FANCA: variants seen among roughly 807,000 people sequenced by gnomAD.
The protein encoded by FANCA is Fanconi anemia group A protein.
A neutral mutation model predicts 194.3 loss-of-function variants in FANCA; 236 were observed. That is an observed-to-expected ratio of 1.21 (90% CI 1.09 to 1.35). The LOEUF (loss-of-function observed/expected upper bound fraction) is 1.35, where lower values mean the gene tolerates loss of function less well. Ranked by LOEUF, FANCA falls within the 40% of genes most tolerant of loss-of-function variation. The pLI is 0.00. For missense variants in FANCA, 2,628 were observed against 1,813.9 expected, an observed-to-expected ratio of 1.45 and a Z score of -8.15; for synonymous variants, 1,014 against 715.8, an observed-to-expected ratio of 1.42 and a Z score of -6.65.
chr16:89,768,376 T>C (rs1345298200), intron 26 of FANCA, among the ~76,000 whole-genome samples: 4 of 152,168 alleles, frequency 2.6e-5, no homozygotes, highest in Admixed American at 6.6e-5. Flanking sequence ...GTTTTACTAA[T>C]ACATATTTGA....
chr16:89,791,413 T>C lies in FANCA; in HGVS notation c.1349A>G (p.Asp450Gly), dbSNP rs1213289620. Residue 450 changes from aspartate to glycine, a missense_variant, in exon 14 of 43, where the codon GAC (aspartate) becomes GGC (glycine). Coordinates refer to ENST00000389301, the MANE Select transcript of FANCA (RefSeq NM_000135.4). ...EGPSAFLSYA[D>G]WFKASFGSTR... Reference sequence around the variant, plus strand: ...TGGCAGGTCACTTACCTTGAACCAGTCTGCATATGACAGGAACGCAGAGGG... The same window carrying C: ...TGGCAGGTCACTTACCTTGAACCAGCCTGCATATGACAGGAACGCAGAGGG... 2 of 1,614,042 alleles carry C rather than the reference T, an allele frequency of 1.2e-6. No individual in the cohort carries two copies. The highest frequency in any genetic ancestry group is 1.7e-6 in the Non-Finnish European group (2 of 1,179,964).
intron 29 of FANCA, among the ~76,000 whole-genome samples, chr16:89,759,529 G>A (rs2038878623): frequency 6.6e-6 from 1 of 151,844 alleles, no homozygotes; most frequent in South Asian, 2.1e-4. Context: ...GGGAGGCCAA[G>A]GTGGGAGGAT....
intron 15 of FANCA, 29 bp from the exon 16 acceptor site, chr16:89,783,131 G>C (rs201305326): frequency 1.3e-6 from 2 of 1,551,796 alleles, no homozygotes; most frequent in Admixed American, 1.7e-5. Flanking sequence ...GCGCAGCACC[G>C]TTAGTCTGGG....
intron 28 of FANCA, among the ~76,000 whole-genome samples, chr16:89,763,933 A>C (rs186709067): frequency 6.7e-6 from 1 of 148,360 alleles, no homozygotes; most frequent in South Asian, 2.1e-4. Flanking sequence ...AAAAAAAACA[A>C]AACAACAACA....
chr16:89,748,658 C>G lies in FANCA; in HGVS notation c.3348+1G>C. Reference sequence around the variant, plus strand: ...CGGACACGTGCACACGGGGCACCTACCATCTCAGAGTTGACCAAGTGGAAG... The same window carrying G: ...CGGACACGTGCACACGGGGCACCTAGCATCTCAGAGTTGACCAAGTGGAAG... On this transcript the variant is annotated splice_donor_variant, in intron 33 of 42. Transcript: ENST00000389301. LOFTEE classifies it high-confidence loss of function. 1 of 1,612,430 alleles carries G rather than the reference C, an allele frequency of 6.2e-7. No homozygotes were observed. The highest frequency in any genetic ancestry group is 8.5e-7 in the Non-Finnish European group (1 of 1,178,526).
chr16:89,744,936 C>A (rs2062209198), intron 36 of FANCA, 23 bp downstream of exon 36: 1 of 1,604,896 alleles, frequency 6.2e-7, no homozygotes, highest in East Asian at 2.2e-5. Context: ...GCGGGCACAC[C>A]CCATCTCACC....
intron 38 of FANCA, chr16:89,740,416 G>A (rs2062100417): frequency 4.3e-6 from 2 of 468,340 alleles, no homozygotes; most frequent in Admixed American, 3.5e-5. Context: ...GAGGTCGGCG[G>A]ATCACTGAGG....
intron 36 of FANCA, among the ~76,000 whole-genome samples, chr16:89,743,214 T>C (rs1287612779): frequency 6.6e-6 from 1 of 152,198 alleles, no homozygotes; most frequent in African/African-American, 2.4e-5. Context: ...CCCTGTGCTC[T>C]TGGGCCCCAG....
chr16:89,779,996 G>A (rs920248312), intron 17 of FANCA, 39 bp from the exon 18 acceptor site: 8 of 1,580,104 alleles, frequency 5.1e-6, no homozygotes, highest in African/African-American at 2.7e-5. Context: ...AAGAACAGAG[G>A]ACTTTAAAGA....
chr16:89,795,819 G>C, intron 11 of FANCA, 87 bp downstream of exon 11: 1 of 931,776 alleles, frequency 1.1e-6, no homozygotes, highest in Non-Finnish European at 1.8e-6. Flanking sequence ...AGAATTCCTG[G>C]CATCTCCAGT....
intron 1 of FANCA, chr16:89,816,195 G>A (rs2041115675): frequency 5.1e-6 from 3 of 587,132 alleles, no homozygotes; most frequent in Non-Finnish European, 3.1e-6. Context: ...AGGGCCCGAG[G>A]CAGGGGAGCC....
In FANCA at chr16:89,792,031, T is replaced by C. The variant is rs772096922; in HGVS notation, c.1121A>G (p.His374Arg). 10 of 1,614,052 alleles carry C rather than the reference T, an allele frequency of 6.2e-6. No individual in the cohort carries two copies. In the South Asian group the frequency reaches 7.7e-5, roughly 12 times the overall value. Residue 374 changes from histidine to arginine, a missense_variant, in exon 13 of 43, where the codon CAT becomes CGT. Transcript: ENST00000389301. ...VMLSAEELVG[H>R]LQEVLETQEV... ...CTGCGTTTCCAGAACTTCTTGCAAA[T>C]GGCCAACCAACTCCTCTGCACTCAG... is the stretch of plus-strand genomic sequence containing the variant.
At chr16:89,771,947 T>C (rs2039341675) in intron 22 of FANCA, 133 bp from the exon 23 acceptor site, 1 of 1,062,100 alleles carries the variant, frequency 9.4e-7, no homozygotes, top group Non-Finnish European at 1.4e-6. Flanking sequence ...CCCAGCCAGG[T>C]GCTGAACACC....
At position 89,805,186 on chromosome 16, in the gene FANCA, G is replaced by A. The variant is rs970991307; in HGVS notation, c.709+94C>T. The A allele has an allele frequency of 3.3e-5, 31 of 941,856 alleles. No individual in the cohort carries two copies. The African/African-American group carries it at 5.0e-4, about 15-fold the overall frequency. 58.3% of individuals were successfully genotyped at this position (941,856 alleles called of 1,614,324 possible). On this transcript the variant is annotated intron_variant, in intron 7 of 42. Transcript: ENST00000389301. ...GGTTCCCACGGCCACGGAGAGACAG[G>A]CTGTTCTGCCTCGCAGAGCTCTTGA...
At chr16:89,765,332 G>C (rs184563101) in intron 27 of FANCA, among the ~76,000 whole-genome samples, 1 of 145,908 alleles carries the variant, frequency 6.9e-6, no homozygotes, top group Admixed American at 6.8e-5. Flanking sequence ...ACAACCCCAC[G>C]TTCAGGGGAC....
chr16:89,814,562 C>G lies in FANCA; in HGVS notation c.241G>C (p.Asp81His), dbSNP rs2041025789. ...KLSLSKVIDC[D>H]SSEAYANHSS... ...TGATTAGCATAGGCCTCAGAACTGT[C>G]ACAGTCAATCACTTTGCTGAGAGAC... Residue 81 changes from aspartate to histidine, a missense_variant, in exon 3 of 43, where the codon GAC becomes CAC. Transcript: ENST00000389301. 2 of 1,613,850 alleles carry G rather than the reference C, an allele frequency of 1.2e-6. No individual in the cohort carries two copies. The highest frequency in any genetic ancestry group is 1.7e-5 in the Admixed American group (1 of 60,004).
intron 36 of FANCA, among the ~76,000 whole-genome samples, chr16:89,743,929 C>G (rs12445695): frequency 6.6e-6 from 1 of 151,878 alleles, no homozygotes; most frequent in South Asian, 2.1e-4. Flanking sequence ...TGGAGTTTCT[C>G]TCTCATTGCC....
intron 20 of FANCA, among the ~76,000 whole-genome samples, chr16:89,776,159 CTTTTTTTTTTT>C (rs3069458): frequency 1.2e-4 from 11 of 93,310 alleles, no homozygotes; most frequent in Admixed American, 3.6e-4. Context: ...CTTTGTTTTT[CTTTTTTTTTTT>C]TTTTTTTTTT....
chr16:89,804,759 C>A (rs1189605797), intron 7 of FANCA, among the ~76,000 whole-genome samples: 1 of 152,098 alleles, frequency 6.6e-6, no homozygotes, highest in African/African-American at 2.4e-5. Context: ...GAAGGCCAGG[C>A]ATAGTGGCTC....
Sources: gnomAD v4.1 joint callset for allele counts (sites outside exome capture counted in the v4.1 genomes callset) on GRCh38, gnomAD v4.1.1 for gene constraint, MANE v1.5 for transcripts, NCBI Gene and HGNC (gene_info 2026-07-23, HGNC 2026-07-21) for gene names.